Variants in C16orf89 observed in about 807,000 individuals in gnomAD.
C16orf89 encodes chromosome 16 open reading frame 89, also known as UPF0764 protein C16orf89.
In C16orf89, 57 loss-of-function variants were observed where a neutral mutation model predicts 41.5. The ratio of observed to expected loss-of-function variants is 1.38; its 90% confidence interval spans 1.11 to 1.71. The LOEUF is 1.71. Among genes scored for constraint, C16orf89 ranks in the 40% most tolerant of loss-of-function variants. C16orf89 has a pLI of 0.00. For synonymous variants in C16orf89, 223 were observed against 190.6 expected (o/e 1.17, Z -1.40); for missense variants, 575 against 445.9 (o/e 1.29, Z -2.61).
chr16:5,060,010 G>A (rs1956583137), intron 3 of C16orf89, among the ~76,000 whole-genome samples: 1 of 152,058 alleles, frequency 6.6e-6, no homozygotes, highest in South Asian at 2.1e-4. Flanking sequence ...GAACTGCGGA[G>A]AGGAATTGGG....
intron 3 of C16orf89, 51 bp downstream of exon 3, chr16:5,060,235 G>A: frequency 1.9e-6 from 3 of 1,552,788 alleles, no homozygotes; most frequent in East Asian, 4.6e-5. Context: ...AGGACCAGCT[G>A]AGAACTAGTG....
At chr16:5,064,022 G>T (rs1956684347) in intron 1 of C16orf89, among the ~76,000 whole-genome samples, 1 of 152,242 alleles carries the variant, frequency 6.6e-6, no homozygotes, top group East Asian at 1.9e-4. Flanking sequence ...AGCTATTTGG[G>T]AGGCTGAGCA....
chr16:5,053,229 G>C (rs2142629054), intron 6 of C16orf89, among the ~76,000 whole-genome samples: 1 of 152,180 alleles, frequency 6.6e-6, no homozygotes, highest in Middle Eastern at 3.4e-3. Context: ...AATTAGCTGG[G>C]CGTGGTGGCA....
At position 5,058,572 on chromosome 16, in the gene C16orf89, C is replaced by T. The variant is rs1410767995; in HGVS notation, c.548G>A (p.Cys183Tyr). Reference sequence around the variant, plus strand: ...GCCGGGCTTGGTCATGAGGCTCCTGCAGAGGTCTGAGAGGCCGCAGGGCTC... The same window carrying T: ...GCCGGGCTTGGTCATGAGGCTCCTGTAGAGGTCTGAGAGGCCGCAGGGCTC... The part of the protein sequence containing the change: ...SSEPCGLSDL[C>Y]RSLMTKPGCS... The change falls in exon 4 of 8, where the codon TGC becomes TAC. Residue 183 changes from cysteine to tyrosine, a missense_variant. Transcript: ENST00000472572. 4 of 1,612,724 alleles carry T rather than the reference C, an allele frequency of 2.5e-6. No individual in the cohort carries two copies. The highest frequency in any genetic ancestry group is 1.1e-5 in the South Asian group (1 of 91,044).
chr16:5,047,384 C>A (rs1437115548), intron 7 of C16orf89, among the ~76,000 whole-genome samples: 1 of 152,184 alleles, frequency 6.6e-6, no homozygotes, highest in African/African-American at 2.4e-5. Context: ...AGAAGGGTTA[C>A]TGTTGCTATT....
chr16:5,050,289 A>C (rs2142615767), intron 6 of C16orf89, among the ~76,000 whole-genome samples: 1 of 151,884 alleles, frequency 6.6e-6, no homozygotes, highest in East Asian at 1.9e-4. Context: ...AATCACTTGA[A>C]CCCGGGAGGT....
rs560068497 is a variant in C16orf89, at chr16:5,056,711, G to A, written c.628-523C>T. ...TTGACAGCAGGCTTTAGACACTTCT[G>A]TAGCAGTGGTCAGAGTTACTTTCCA... On this transcript the variant is annotated intron_variant, in intron 4 of 7. Transcript: ENST00000472572. Among the ~76,000 whole-genome samples, 9 of 152,334 alleles carry A rather than the reference G, an allele frequency of 5.9e-5. No individual in the cohort carries two copies. In the South Asian group the frequency reaches 1.7e-3, roughly 28 times the overall value.
At position 5,056,297 on chromosome 16, in the gene C16orf89, G is replaced by A. The variant is rs990342556; in HGVS notation, c.628-109C>T. 9.4e-6 allele frequency: 10 copies of A among 1,067,746 alleles called. No individual in the cohort carries two copies. The Admixed American group carries it at 2.5e-4, about 27-fold the overall frequency. The allele number at this position is 1,067,746 out of a possible 1,614,324, so 66.1% of individuals were successfully genotyped here. A position where few individuals can be genotyped will look rare whatever the true frequency, so the allele number is the denominator to read the frequency against. On this transcript the variant is annotated intron_variant, in intron 4 of 7. Coordinates refer to ENST00000472572, the MANE Select transcript of C16orf89 (RefSeq NM_001098514.3). ...CTGAGACGGTCTTGCAAGGGGCTGTGTTTAGGGCTGTGTTTAGGGCAGGTC... is the reference window on the plus strand; with the variant it reads ...CTGAGACGGTCTTGCAAGGGGCTGTATTTAGGGCTGTGTTTAGGGCAGGTC...
intron 4 of C16orf89, among the ~76,000 whole-genome samples, chr16:5,057,770 C>T (rs1436257574): frequency 6.6e-6 from 1 of 151,996 alleles, no homozygotes; most frequent in African/African-American, 2.4e-5. Context: ...CTCAAGTGAT[C>T]CACCCACCTC....
chr16:5,056,752 G>A (rs1956516434), intron 4 of C16orf89, among the ~76,000 whole-genome samples: 1 of 152,166 alleles, frequency 6.6e-6, no homozygotes, highest in Admixed American at 6.5e-5. Context: ...TGAATCTAAT[G>A]ATCAAAATAA....
At chr16:5,049,370 A>G (rs1470511432) in intron 6 of C16orf89, among the ~76,000 whole-genome samples, 1 of 152,256 alleles carries the variant, frequency 6.6e-6, no homozygotes, top group Non-Finnish European at 1.5e-5. Context: ...AGACATTTAC[A>G]GAACATTTCA....
intron 6 of C16orf89, among the ~76,000 whole-genome samples, chr16:5,050,720 C>T (rs1313185352): frequency 6.6e-6 from 1 of 152,146 alleles, no homozygotes. Flanking sequence ...CCTGATGAAC[C>T]TAGATGCAAA....
At chr16:5,054,487 C>G (rs781507966) in intron 6 of C16orf89, among the ~76,000 whole-genome samples, 36 of 152,164 alleles carry the variant, frequency 2.4e-4, no homozygotes, top group Non-Finnish European at 4.4e-4. Flanking sequence ...TCCTTTATAG[C>G]TCTTATCAGA....
chr16:5,046,981 C>A (rs1174159624), intron 7 of C16orf89, among the ~76,000 whole-genome samples: 1 of 152,152 alleles, frequency 6.6e-6, no homozygotes, highest in Non-Finnish European at 1.5e-5. Context: ...TGGTCACTTG[C>A]CCATTCATTG....
chr16:5,044,910 G>A lies in C16orf89; in HGVS notation c.956-432C>T, dbSNP rs778263971. 7.2e-6 allele frequency: 9 copies of A among 1,244,948 alleles called. No individual in the cohort carries two copies. In the East Asian group the frequency reaches 1.9e-4, roughly 26 times the overall value. The allele number at this position is 1,244,948 out of a possible 1,614,324, so 77.1% of individuals were successfully genotyped here. On this transcript the variant is annotated intron_variant, in intron 7 of 7. Transcript: ENST00000472572. ...TTGCAAGACGCTGAGTGGGTGCTTC[G>A]GTGCTCCCTTAGGCCCCTTTTGCTG... is the stretch of plus-strand genomic sequence containing the variant.
intron 6 of C16orf89, among the ~76,000 whole-genome samples, chr16:5,053,756 A>G (rs1308469468): frequency 1.3e-5 from 2 of 152,194 alleles, no homozygotes; most frequent in African/African-American, 4.8e-5. Flanking sequence ...CATGTTGGCC[A>G]GGCCGGTTTC....
intron 7 of C16orf89, among the ~76,000 whole-genome samples, chr16:5,046,793 C>G (rs150929320): frequency 1.3e-5 from 2 of 152,224 alleles, no homozygotes; most frequent in East Asian, 3.9e-4. Flanking sequence ...TCTTCCCATC[C>G]CAATATACTT....
In C16orf89 at chr16:5,060,374, C is replaced by T. The variant is rs747348721; in HGVS notation, c.421G>A (p.Ala141Thr). 1.2e-6 allele frequency: 2 copies of T among 1,613,402 alleles called. No individual in the cohort carries two copies. Among genetic ancestry groups the T allele is most frequent in the Admixed American group, 1.7e-5 (1 of 59,968 alleles). The change falls in exon 3 of 8, where the codon GCC becomes ACC. Residue 141 changes from alanine (A) to threonine (T), a missense_variant. Ala to Thr is a moderately conservative substitution (Grantham distance 58). Transcript: ENST00000472572. ...CCGAACGTGGGGTACACCAAGGAGG[C>T]ATCAGTGTGGATCCAGGCATGTGGG... ...KLPHAWIHTDASLVYPTFGPQ... is the reference protein window; with the variant it reads ...KLPHAWIHTDTSLVYPTFGPQ...
Position 5,056,169 on chromosome 16 carries a change from G to A in C16orf89, c.647C>T (p.Pro216Leu). ...WARMRGCTQGPLQQSQDYINL... is the reference protein window; with the variant it reads ...WARMRGCTQGLLQQSQDYINL... ...GATATAGTCCTGGCTCTGTTGGAGT[G>A]GTCCCTGTGTGCACCCCCTCTGGGG... The change falls in exon 5 of 8, where the codon CCA (proline) becomes CTA (leucine). Residue 216 changes from proline to leucine, a missense_variant. By Grantham distance (98) the Pro-to-Leu change is moderately conservative (BLOSUM62 -3). Transcript: ENST00000472572. 6.3e-7 allele frequency: 1 copy of A among 1,591,270 alleles called. No individual in the cohort carries two copies.
Sources: allele counts gnomAD v4.1 joint callset (sites outside exome capture counted in the v4.1 genomes callset), GRCh38; gene constraint gnomAD v4.1.1; transcripts MANE v1.5; gene names NCBI Gene and HGNC (gene_info 2026-07-23, HGNC 2026-07-21).